Variants in TMIGD3 observed in about 807,000 individuals in gnomAD.
The protein encoded by TMIGD3 is AD026 protein (AD026).
In TMIGD3, 21 loss-of-function variants were observed where a neutral mutation model predicts 28.1. The ratio of observed to expected loss-of-function variants is 0.75; its 90% CI spans 0.53 to 1.08. The LOEUF (loss-of-function observed/expected upper bound fraction) is 1.08. TMIGD3 is among the 50% of genes least tolerant of loss of function. The pLI is 0.00. For synonymous variants in TMIGD3, 151 were observed against 162.1 expected, an observed-to-expected ratio of 0.93 and a Z score of 0.52; for missense variants, 416 against 435.6, an observed-to-expected ratio of 0.96 and a Z score of 0.40.
chr1:111,540,287 G>A (rs1386327674), intron 1 of TMIGD3, among the ~76,000 whole-genome samples: 33 of 152,326 alleles, frequency 2.2e-4, no homozygotes, highest in Admixed American at 2.2e-3. Flanking sequence ...AAGGGTTGGT[G>A]CAGGAGCACT....
At chr1:111,507,395 A>G (rs1327116930), upstream of TMIGD3, among the ~76,000 whole-genome samples, 1 of 152,232 alleles carries the variant, frequency 6.6e-6, no homozygotes, top group Admixed American at 6.5e-5. Context: ...CACCTGTCCC[A>G]AACCCTGGCC....
chr1:111,517,378 G>A (rs531717490), intron 1 of TMIGD3, among the ~76,000 whole-genome samples: 1 of 150,154 alleles, frequency 6.7e-6, no homozygotes, highest in African/African-American at 2.4e-5. Flanking sequence ...ATTGCATCCT[G>A]CTGTCTAGAT....
intron 4 of TMIGD3, among the ~76,000 whole-genome samples, chr1:111,486,283 G>A (rs1216878683): frequency 6.6e-6 from 1 of 152,144 alleles, no homozygotes; most frequent in Non-Finnish European, 1.5e-5. Context: ...ATTTCCAAGG[G>A]TGGCCACATC....
rs754687706 is a variant in TMIGD3 at position 111,500,379 on chromosome 1, G to A, written c.350+2626C>T. The A allele has an allele frequency of 1.9e-6, 3 of 1,614,210 alleles. No individual in the cohort carries two copies. The Admixed American group carries it at 5.0e-5, about 27-fold the overall frequency. ...AGGTGAGGAAGCTGAAGTATACCAT[G>A]TAGTCCATTCTCATGACGGAAACAA... On this transcript the variant is annotated intron_variant, in intron 1 of 5. Coordinates refer to ENST00000369716, the MANE Select transcript of TMIGD3 (RefSeq NM_020683.7).
chr1:111,557,726 A>G (rs1207233542), intron 1 of TMIGD3, among the ~76,000 whole-genome samples: 1 of 152,212 alleles, frequency 6.6e-6, no homozygotes, highest in East Asian at 1.9e-4. Flanking sequence ...CCTGACAAAT[A>G]TATAGACATA....
intron 1 of TMIGD3, among the ~76,000 whole-genome samples, chr1:111,556,447 C>CA (rs1657495762): frequency 6.6e-6 from 1 of 152,160 alleles, no homozygotes; most frequent in Admixed American, 6.5e-5. Context: ...GATATTTGTA[C>CA]ACCCATGTTT....
chr1:111,531,945 A>C (rs1450917819), intron 1 of TMIGD3, among the ~76,000 whole-genome samples: 1 of 152,216 alleles, frequency 6.6e-6, no homozygotes, highest in East Asian at 1.9e-4. Context: ...AAAATAAAGA[A>C]AAACAAAGGA....
At chr1:111,489,839 T>C (rs1654572706) in intron 2 of TMIGD3, 3 of 765,670 alleles carry the variant, frequency 3.9e-6, no homozygotes, top group Non-Finnish European at 4.8e-6. Flanking sequence ...TAGGCACCTC[T>C]ATCATCTCAG....
chr1:111,538,668 G>C (rs959827047), intron 1 of TMIGD3, among the ~76,000 whole-genome samples: 14 of 152,166 alleles, frequency 9.2e-5, no homozygotes, highest in African/African-American at 3.4e-4. Context: ...AAGGCATTTG[G>C]AGAAACATTC....
At chr1:111,510,849 T>C (rs1240364519) in intron 1 of TMIGD3, among the ~76,000 whole-genome samples, 1 of 152,146 alleles carries the variant, frequency 6.6e-6, no homozygotes, top group East Asian at 1.9e-4. Context: ...AGGATTTTTT[T>C]CTCCCACAAG....
chr1:111,555,388 A>G (rs1329015257), intron 1 of TMIGD3, among the ~76,000 whole-genome samples: 1 of 150,542 alleles, frequency 6.6e-6, no homozygotes, highest in Non-Finnish European at 1.5e-5. Context: ...AAAAAAAAAA[A>G]AAATTACCAG....
chr1:111,541,076 CTG>C (rs1317538464), intron 1 of TMIGD3, among the ~76,000 whole-genome samples: 1 of 152,214 alleles, frequency 6.6e-6, no homozygotes, highest in Non-Finnish European at 1.5e-5. Context: ...CTACTCAACT[CTG>C]TGGTTGTAGC....
chr1:111,546,971 G>A (rs1236715407), intron 1 of TMIGD3, among the ~76,000 whole-genome samples: 1 of 152,028 alleles, frequency 6.6e-6, no homozygotes, highest in Non-Finnish European at 1.5e-5. Flanking sequence ...TTTAATAATA[G>A]CCATCCTAAG....
intron 1 of TMIGD3, among the ~76,000 whole-genome samples, chr1:111,545,174 T>A (rs1295750786): frequency 6.6e-6 from 1 of 152,184 alleles, no homozygotes; most frequent in Non-Finnish European, 1.5e-5. Context: ...ACAGTAACTT[T>A]ATTTTCAACT....
intron 2 of TMIGD3, among the ~76,000 whole-genome samples, chr1:111,489,265 G>A (rs1166327051): frequency 6.6e-6 from 1 of 152,126 alleles, no homozygotes; most frequent in Non-Finnish European, 1.5e-5. Flanking sequence ...CCTTTAAAGA[G>A]ATAATTAAGT....
intron 1 of TMIGD3, among the ~76,000 whole-genome samples, chr1:111,527,016 T>TTTG (rs1241947500): frequency 7.0e-6 from 1 of 142,552 alleles, no homozygotes; most frequent in Non-Finnish European, 1.5e-5. Flanking sequence ...CTTTTTTTTT[T>TTTG]TTTTTTTTTT....
At chr1:111,508,404 G>A (rs552331765), upstream of TMIGD3, among the ~76,000 whole-genome samples, 1 of 152,364 alleles carries the variant, frequency 6.6e-6, no homozygotes, top group Non-Finnish European at 1.5e-5. Context: ...AGGGAAGCAC[G>A]TTTCTGTTGT....
At chr1:111,540,228 A>G (rs879558541) in intron 1 of TMIGD3, among the ~76,000 whole-genome samples, 1 of 152,200 alleles carries the variant, frequency 6.6e-6, no homozygotes, top group East Asian at 1.9e-4. Flanking sequence ...ATTTTGTGTG[A>G]GTTCTGCAAG....
rs778275977 is a variant in TMIGD3 at position 111,503,104 on chromosome 1, A to T, written c.251T>A (p.Leu84His). 3.1e-6 allele frequency: 5 copies of T among 1,614,082 alleles called. No homozygotes were observed. In the African/African-American group the frequency reaches 5.3e-5, roughly 17 times the overall value. ...GATAAGCAGTAGGCAAGTCATAAAA[A>T]GGCAGCTGTAGAAGTGGATTGTGAT... ...LGITIHFYSC[L>H]FMTCLLLIFT... Residue 84 changes from leucine (L) to histidine (H), a missense_variant, in exon 1 of 6, where the codon CTT becomes CAT. Physicochemically the swap from Leu to His is moderately conservative, Grantham distance 99. Transcript: ENST00000369716.
Sources: allele counts gnomAD v4.1 joint callset (sites outside exome capture counted in the v4.1 genomes callset), GRCh38; gene constraint gnomAD v4.1.1; transcripts MANE v1.5; gene names NCBI Gene and HGNC (gene_info 2026-07-23, HGNC 2026-07-21).